CRIM1: variants seen among roughly 807,000 people sequenced by gnomAD.
CRIM1 encodes cysteine-rich motor neuron 1 protein.
Under a neutral mutation model 116.4 loss-of-function variants are expected in CRIM1, and 32 were observed. The ratio of observed to expected loss-of-function variants is 0.27; its 90% CI spans 0.21 to 0.37. The LOEUF is 0.37. Ranked by LOEUF, CRIM1 falls within the 10% of genes least tolerant of loss-of-function variation. The probability of loss-of-function intolerance (pLI) is 1.00; values close to 1 mark genes in which losing one functional copy is unlikely to be tolerated. For missense variants in CRIM1, 1,331 were observed against 1,354.8 expected, an observed-to-expected ratio of 0.98 and a Z score of 0.28; for synonymous variants, 590 against 509.2, an observed-to-expected ratio of 1.16 and a Z score of -2.13.
chr2:36,411,484 G>T (rs1160449341), intron 2 of CRIM1, among the ~76,000 whole-genome samples: 1 of 152,036 alleles, frequency 6.6e-6, no homozygotes, highest in Non-Finnish European at 1.5e-5. Flanking sequence ...AAAAAATTAT[G>T]CATGTCACTT....
rs777532794 is a variant in CRIM1 at position 36,512,311 on chromosome 2, A to G, written c.1697A>G (p.Lys566Arg). Reference sequence around the variant, plus strand: ...GGCTGTGACATCTGTCGCTGTAAGAAATGTCCAGAGCTCTCATGCAGTAAG... The same window carrying G: ...GGCTGTGACATCTGTCGCTGTAAGAGATGTCCAGAGCTCTCATGCAGTAAG... ...KHGCDICRCK[K>R]CPELSCSKIC... Residue 566 changes from lysine to arginine, a missense_variant, in exon 10 of 17, where the codon AAA becomes AGA. Lys to Arg is a conservative substitution (Grantham distance 26). This residue lies in a region of CRIM1 where 358 missense variants were observed against 436.1 expected (regional missense o/e 0.82). Transcript: ENST00000280527. The G allele has an allele frequency of 6.2e-7, 1 of 1,613,938 alleles. No homozygotes were observed. Among genetic ancestry groups the G allele is most frequent in the Non-Finnish European group, 8.5e-7 (1 of 1,179,790 alleles).
chr2:36,409,220 A>G (rs1398814089), intron 2 of CRIM1, among the ~76,000 whole-genome samples: 1 of 152,126 alleles, frequency 6.6e-6, no homozygotes. Flanking sequence ...TCTTTTTCCC[A>G]CTATGCCCTC....
At chr2:36,416,485 A>G (rs1673632451) in intron 2 of CRIM1, among the ~76,000 whole-genome samples, 1 of 152,212 alleles carries the variant, frequency 6.6e-6, no homozygotes, top group African/African-American at 2.4e-5. Flanking sequence ...AAGTATCTGT[A>G]AGTATAAAAC....
At chr2:36,447,568 C>T (rs1374836529) in intron 4 of CRIM1, among the ~76,000 whole-genome samples, 1 of 152,196 alleles carries the variant, frequency 6.6e-6, no homozygotes, top group East Asian at 1.9e-4. Flanking sequence ...GGAAAGACCC[C>T]TCTCCCTACA....
Position 36,411,326 on chromosome 2 carries a change from T to C in CRIM1, c.505+14539T>C, listed in dbSNP as rs576531077. Among the ~76,000 whole-genome samples the C allele has an allele frequency of 2.9e-4, 44 of 152,324 alleles. No homozygotes were observed. In the South Asian group the frequency reaches 8.5e-3, roughly 29 times the overall value. ...GCCTCTCAGCCTGGCTTCATGTCTG[T>C]CTAGGTACAGGTCTTATTATAATGT... On this transcript the variant is annotated intron_variant, in intron 2 of 16. Coordinates refer to ENST00000280527, the MANE Select transcript of CRIM1 (RefSeq NM_016441.3).
At chr2:36,387,723 G>A (rs1441081987) in intron 1 of CRIM1, among the ~76,000 whole-genome samples, 5 of 152,164 alleles carry the variant, frequency 3.3e-5, no homozygotes, top group African/African-American at 4.8e-5. Context: ...AAAAGAGAAA[G>A]TGATTGAAAA....
chr2:36,398,822 A>T (rs942049479), intron 2 of CRIM1, among the ~76,000 whole-genome samples: 4 of 152,222 alleles, frequency 2.6e-5, no homozygotes, highest in Non-Finnish European at 5.9e-5. Flanking sequence ...GCATACTTAT[A>T]TTCAGGTATA....
intron 5 of CRIM1, among the ~76,000 whole-genome samples, chr2:36,473,232 A>G (rs1678680237): frequency 6.6e-6 from 1 of 152,200 alleles, no homozygotes; most frequent in Non-Finnish European, 1.5e-5. Context: ...GGACATATTA[A>G]ATGATTTGGG....
In CRIM1 at chr2:36,550,518, T is replaced by C. The variant is rs1209172795; in HGVS notation, c.*1817T>C. 6.6e-6 allele frequency: 1 copy of C among 152,562 alleles called. No homozygotes were observed. The highest frequency in any genetic ancestry group is 2.4e-5 in the African/African-American group (1 of 41,442). The allele number at this position is 152,562 out of a possible 1,614,324, so 9.5% of individuals were successfully genotyped here. ...AACTTTCAAGTATTGTTGTAAATAC[T>C]TGGACAGAGGTTGCTGAACTTTAAA... On this transcript the variant is annotated 3_prime_UTR_variant, in exon 17 of 17. Transcript: ENST00000280527.
chr2:36,442,492 T>C, intron 3 of CRIM1, 123 bp from the exon 4 acceptor site: 1 of 1,137,636 alleles, frequency 8.8e-7, no homozygotes, highest in Non-Finnish European at 1.3e-6. Context: ...ATGTCGACAC[T>C]AGGACTGGGT....
At chr2:36,542,609 C>T (rs947763388) in intron 14 of CRIM1, among the ~76,000 whole-genome samples, 6 of 152,216 alleles carry the variant, frequency 3.9e-5, no homozygotes, top group African/African-American at 9.6e-5. Flanking sequence ...GAATTGGTGT[C>T]GCATTTGCCC....
chr2:36,491,409 G>C (rs2125069326), intron 7 of CRIM1, among the ~76,000 whole-genome samples: 1 of 152,246 alleles, frequency 6.6e-6, no homozygotes, highest in Non-Finnish European at 1.5e-5. Flanking sequence ...TGCTTCAGTG[G>C]AGCTCATTTA....
At chr2:36,533,794 G>T (rs141527847) in intron 13 of CRIM1, among the ~76,000 whole-genome samples, 14 of 152,276 alleles carry the variant, frequency 9.2e-5, no homozygotes, top group African/African-American at 3.1e-4. Flanking sequence ...TGATACATCA[G>T]TTGAAATTAT....
At chr2:36,526,768 G>C (rs140333842) in intron 13 of CRIM1, among the ~76,000 whole-genome samples, 10 of 152,244 alleles carry the variant, frequency 6.6e-5, no homozygotes, top group African/African-American at 2.4e-4. Flanking sequence ...TTCCTGGTCA[G>C]ATATTAAAAA....
chr2:36,416,029 G>A (rs1673592897), intron 2 of CRIM1, among the ~76,000 whole-genome samples: 1 of 152,192 alleles, frequency 6.6e-6, no homozygotes, highest in African/African-American at 2.4e-5. Context: ...GCAACATGGT[G>A]AAACCCTGTC....
chr2:36,544,523 C>A (rs935554443), intron 15 of CRIM1, 25 bp downstream of exon 15: 15 of 1,321,778 alleles, frequency 1.1e-5, no homozygotes, highest in Non-Finnish European at 1.4e-5. Flanking sequence ...CAGCTGAGAT[C>A]TGCTAGTTTT....
At chr2:36,393,113 C>A (rs946429333) in intron 1 of CRIM1, among the ~76,000 whole-genome samples, 1 of 152,156 alleles carries the variant, frequency 6.6e-6, no homozygotes, top group Admixed American at 6.5e-5. Flanking sequence ...GCAGTGAAAA[C>A]CAATTAGCTG....
intron 4 of CRIM1, among the ~76,000 whole-genome samples, chr2:36,447,412 C>T (rs1003104896): frequency 2.0e-5 from 3 of 152,108 alleles, no homozygotes; most frequent in African/African-American, 4.8e-5. Flanking sequence ...GTGTAACAAC[C>T]GCCCCAAAAG....
At chr2:36,453,759 T>G (rs528046273) in intron 4 of CRIM1, among the ~76,000 whole-genome samples, 1 of 152,294 alleles carries the variant, frequency 6.6e-6, no homozygotes, top group Non-Finnish European at 1.5e-5. Context: ...AGTAGAAGTG[T>G]GCAAAAAACA....
Sources: allele counts gnomAD v4.1 joint callset (sites outside exome capture counted in the v4.1 genomes callset), GRCh38; gene constraint gnomAD v4.1.1; regional missense constraint gnomAD v4.1.1; transcripts MANE v1.5; gene names NCBI Gene and HGNC (gene_info 2026-07-23, HGNC 2026-07-21).